The following TPH1 variants were observed in gnomAD, a reference collection of about 807,000 sequenced individuals.
TPH1 encodes tryptophan 5-hydroxylase 1.
In TPH1, 37 loss-of-function variants were observed where a neutral mutation model predicts 49.5. The observed-to-expected ratio is 0.75, with a 90% CI of 0.58 to 0.98. The LOEUF is 0.98. Among genes scored for constraint, TPH1 ranks in the 50% least tolerant of loss-of-function variants. TPH1 has a pLI of 0.00. For missense variants in TPH1, 487 were observed against 523.6 expected, an observed-to-expected ratio of 0.93 and a Z score of 0.68; for synonymous variants, 160 against 182.1, an observed-to-expected ratio of 0.88 and a Z score of 0.98.
chr11:18,019,131 A>G lies in TPH1; in HGVS notation c.*1860T>C, dbSNP rs1168639883. 1.3e-5 allele frequency: 2 copies of G among 152,426 alleles called. No individual in the cohort carries two copies. Among genetic ancestry groups the G allele is most frequent in the Non-Finnish European group, 2.9e-5 (2 of 68,198 alleles). The allele number at this position is 152,426 out of a possible 1,614,324, so 9.4% of individuals were successfully genotyped here. On this transcript the variant is annotated 3_prime_UTR_variant, in exon 11 of 11. Transcript: ENST00000682019. Reference sequence around the variant, plus strand: ...AAAATGTACAATGTAAAAATTTAAAACAGCATGAATTATTCTTCAAAATTC... The same window carrying G: ...AAAATGTACAATGTAAAAATTTAAAGCAGCATGAATTATTCTTCAAAATTC...
At position 18,036,156 on chromosome 11, in the gene TPH1, A is replaced by T. The variant is rs779830163; in HGVS notation, c.118-14T>A. Reference sequence around the variant, plus strand: ...CACATGCTTCTCCTGTGTAAAGCACAGGGAAAAGATTTCATGTAACTGCCT... The same window carrying T: ...CACATGCTTCTCCTGTGTAAAGCACTGGGAAAAGATTTCATGTAACTGCCT... On this transcript the variant is annotated splice_polypyrimidine_tract_variant and intron_variant, in intron 2 of 10. Transcript: ENST00000682019. 2.5e-6 allele frequency: 4 copies of T among 1,606,746 alleles called. No individual in the cohort carries two copies. The highest frequency in any genetic ancestry group is 1.8e-4 in the Middle Eastern group (1 of 5,574).
rs1854356080 is a variant in TPH1 at position 18,021,059 on chromosome 11, C to T, written c.1267G>A (p.Glu423Lys). The T allele has an allele frequency of 2.5e-6, 4 of 1,613,952 alleles. No individual in the cohort carries two copies. Among genetic ancestry groups the T allele is most frequent in the African/African-American group, 1.3e-5 (1 of 74,898 alleles). The change falls in exon 11 of 11, where the codon GAG (glutamate) becomes AAG (lysine). Residue 423 changes from glutamate (E) to lysine (K), a missense_variant. Coordinates refer to ENST00000682019, the MANE Select transcript of TPH1 (RefSeq NM_004179.3). Reference protein sequence around the residue: ...DTKSITSAMNELQHDLDVVSD... With the variant: ...DTKSITSAMNKLQHDLDVVSD... Reference sequence around the variant, plus strand: ...ACAACATCGAGATCATGCTGCAGCTCATTCATGGCACTGGTTATGCTCTTG... The same window carrying T: ...ACAACATCGAGATCATGCTGCAGCTTATTCATGGCACTGGTTATGCTCTTG...
intron 9 of TPH1, chr11:18,023,192 CTTTA>C (rs1854383532): frequency 1.4e-5 from 6 of 438,758 alleles, no homozygotes; most frequent in East Asian, 4.6e-5. Flanking sequence ...ACCCAAGGAT[CTTTA>C]TTTATTTATT....
chr11:18,035,241 G>A (rs939187067), intron 3 of TPH1, among the ~76,000 whole-genome samples: 4 of 152,190 alleles, frequency 2.6e-5, no homozygotes, highest in African/African-American at 9.7e-5. Flanking sequence ...CAAGTCTTAT[G>A]AGACTTACTA....
chr11:18,020,694 T>C lies in TPH1; in HGVS notation c.*297A>G, dbSNP rs979396045. On this transcript the variant is annotated 3_prime_UTR_variant, in exon 11 of 11. Coordinates refer to ENST00000682019, the MANE Select transcript of TPH1 (RefSeq NM_004179.3). ...GTTAGGCTGAGATTAGATCTATCTATTGGGTCAAACAACTTCTCTATTAAA... is the reference window on the plus strand; with the variant it reads ...GTTAGGCTGAGATTAGATCTATCTACTGGGTCAAACAACTTCTCTATTAAA... 2.2e-5 allele frequency: 8 copies of C among 357,616 alleles called. No homozygotes were observed. The highest frequency in any genetic ancestry group is 1.7e-4 in the African/African-American group (8 of 47,880). The allele number at this position is 357,616 out of a possible 1,614,324, so 22.2% of individuals were successfully genotyped here.
Position 18,019,966 on chromosome 11 carries a change from C to A in TPH1, c.*1025G>T. ...TTTTCTGCAGCCTCTACTCTCATTGCATACCTTTCTGTTTATGGCCTCACC... is the reference window on the plus strand; with the variant it reads ...TTTTCTGCAGCCTCTACTCTCATTGAATACCTTTCTGTTTATGGCCTCACC... On this transcript the variant is annotated 3_prime_UTR_variant, in exon 11 of 11. Coordinates refer to ENST00000682019, the MANE Select transcript of TPH1 (RefSeq NM_004179.3). 3.0e-6 allele frequency: 1 copy of A among 335,764 alleles called. No homozygotes were observed. Among genetic ancestry groups the A allele is most frequent in the Non-Finnish European group, 5.8e-6 (1 of 171,704 alleles). 20.8% of individuals were successfully genotyped at this position (335,764 alleles called of 1,614,324 possible).
chr11:18,022,742 T>C (rs1264137676), intron 10 of TPH1, 56 bp downstream of exon 10: 3 of 1,599,832 alleles, frequency 1.9e-6, no homozygotes, highest in Non-Finnish European at 1.7e-6. Flanking sequence ...CTTGTTACCA[T>C]AATGGGGCTG....
At chr11:18,028,949 C>T (rs993654747) in intron 6 of TPH1, among the ~76,000 whole-genome samples, 1 of 151,880 alleles carries the variant, frequency 6.6e-6, no homozygotes. Context: ...CCTGTAGTCC[C>T]AGCACTTTGG....
intron 2 of TPH1, among the ~76,000 whole-genome samples, chr11:18,038,244 A>G (rs891805105): frequency 3.3e-5 from 5 of 152,204 alleles, no homozygotes; most frequent in African/African-American, 1.2e-4. Flanking sequence ...TTAGAAAAAT[A>G]GTTTAAAGAG....
chr11:18,039,403 C>T (rs1333314652), intron 2 of TPH1, among the ~76,000 whole-genome samples: 1 of 152,144 alleles, frequency 6.6e-6, no homozygotes, highest in Non-Finnish European at 1.5e-5. Context: ...CAGGTAATAA[C>T]TGACAGAGCA....
intron 2 of TPH1, among the ~76,000 whole-genome samples, chr11:18,037,466 T>C (rs141863672): frequency 4.0e-4 from 61 of 152,152 alleles, no homozygotes; most frequent in African/African-American, 1.4e-3. Flanking sequence ...TGGGAACATA[T>C]AATTTATCAC....
intron 5 of TPH1, 33 bp from the exon 6 acceptor site, chr11:18,029,394 T>G: frequency 1.9e-6 from 3 of 1,599,502 alleles, no homozygotes; most frequent in Non-Finnish European, 2.6e-6. Flanking sequence ...TTGTTTTGAA[T>G]TAGCATTTAA....
At chr11:18,034,507 G>A (rs1248193838) in intron 3 of TPH1, among the ~76,000 whole-genome samples, 1 of 152,180 alleles carries the variant, frequency 6.6e-6, no homozygotes, top group African/African-American at 2.4e-5. Flanking sequence ...GGACTTCTTG[G>A]GGGGACAGTA....
chr11:18,018,893 AT>A lies in TPH1; in HGVS notation c.*2097del, dbSNP rs1387950620. 1.3e-5 allele frequency: 2 copies of A among 151,790 alleles called. No individual in the cohort carries two copies. The highest frequency in any genetic ancestry group is 2.9e-5 in the Non-Finnish European group (2 of 67,954). The allele number at this position is 151,790 out of a possible 1,614,324, so 9.4% of individuals were successfully genotyped here. On this transcript the variant is annotated 3_prime_UTR_variant, in exon 11 of 11. Transcript: ENST00000682019. ...GCATAATTTGTGTTATTTGCTATCT[AT>A]TTTTTAATTTCCTTTTTCTACATGT...
intron 4 of TPH1, among the ~76,000 whole-genome samples, chr11:18,030,224 C>A (rs560624807): frequency 6.6e-6 from 1 of 151,166 alleles, no homozygotes; most frequent in East Asian, 2.0e-4. Flanking sequence ...GCCTGGGCAA[C>A]AAAGGGAGAC....
chr11:18,040,910 G>C, intron 1 of TPH1, 122 bp from the exon 2 acceptor site: 1 of 897,544 alleles, frequency 1.1e-6, no homozygotes, highest in Middle Eastern at 3.6e-4. Context: ...ATAAAACCTG[G>C]ATATGCAGAT....
intron 4 of TPH1, among the ~76,000 whole-genome samples, chr11:18,032,358 C>T (rs1287157334): frequency 6.6e-6 from 1 of 152,004 alleles, no homozygotes; most frequent in Non-Finnish European, 1.5e-5. Context: ...AACCCATGCT[C>T]ATTTAAATAA....
chr11:18,033,938 G>A (rs538869931), intron 3 of TPH1, among the ~76,000 whole-genome samples: 14 of 152,062 alleles, frequency 9.2e-5, no homozygotes, highest in Admixed American at 4.6e-4. Flanking sequence ...GAGAATATCC[G>A]TCACATCCTT....
At chr11:18,045,805 C>T (rs539666317) in intron 1 of TPH1, among the ~76,000 whole-genome samples, 156 of 152,202 alleles carry the variant, frequency 1.0e-3, no homozygotes, top group African/African-American at 3.6e-3. Flanking sequence ...AGGGAAGCTT[C>T]CCTTCATGGG....
Sources: allele counts gnomAD v4.1 joint callset (sites outside exome capture counted in the v4.1 genomes callset), GRCh38; gene constraint gnomAD v4.1.1; transcripts MANE v1.5; gene names NCBI Gene and HGNC (gene_info 2026-07-23, HGNC 2026-07-21).